Variants in STK24 observed in about 807,000 individuals in gnomAD.
STK24 encodes serine/threonine-protein kinase 24.
In STK24, 21 loss-of-function variants were observed where a neutral mutation model predicts 55.6. The ratio of observed to expected loss-of-function variants is 0.38; its 90% CI spans 0.27 to 0.54. The LOEUF (loss-of-function observed/expected upper bound fraction) is 0.54, where lower values mean the gene tolerates loss of function less well. Ranked by LOEUF, STK24 falls within the 20% of genes least tolerant of loss-of-function variation. The pLI is 0.79. For synonymous variants in STK24, 200 were observed against 215.2 expected, an observed-to-expected ratio of 0.93 and a Z score of 0.62; for missense variants, 383 against 538.4, an observed-to-expected ratio of 0.71 and a Z score of 2.86.
chr13:98,475,885 GA>G (rs28364781), intron 3 of STK24, among the ~76,000 whole-genome samples: 30,374 of 152,238 alleles, frequency 0.2, 3,814 homozygotes, highest in Non-Finnish European at 0.28. Flanking sequence ...AAACACCCAG[GA>G]AAGAAGGCCT....
In STK24 at chr13:98,461,861, A is replaced by G; in HGVS notation, c.966T>C (p.Ser322=). 1 of 1,614,130 alleles carries G rather than the reference A, an allele frequency of 6.2e-7. No individual in the cohort carries two copies. Among genetic ancestry groups the G allele is most frequent in the East Asian group, 2.2e-5 (1 of 44,890 alleles). ...CTCGGATTGTGAAGATCCAGTCCCC[A>G]GAATCACTGCCCCCCGAGGCTTGGC... ...TDGQASGGSD[S]GDWIFTIREK... The change falls in exon 8 of 11, where the codon TCT becomes TCC. Residue 322 remains serine (S), a synonymous_variant. Coordinates refer to ENST00000539966, the MANE Select transcript of STK24 (RefSeq NM_001032296.4).
At chr13:98,526,260 G>C (rs1267054653) in intron 1 of STK24, among the ~76,000 whole-genome samples, 1 of 152,170 alleles carries the variant, frequency 6.6e-6, no homozygotes, top group Admixed American at 6.5e-5. Flanking sequence ...ATGCAAAATT[G>C]TTGTCTCAGT....
At position 98,446,538 on chromosome 13, in the gene STK24, C is replaced by T. The variant is rs1027573483; in HGVS notation, c.*6635G>A. 2.5e-5 allele frequency: 24 copies of T among 960,030 alleles called. No homozygotes were observed. In the African/African-American group the frequency reaches 3.7e-4, roughly 15 times the overall value. 59.5% of individuals were successfully genotyped at this position (960,030 alleles called of 1,614,324 possible). On this transcript the variant is annotated 3_prime_UTR_variant, in exon 11 of 11. Transcript: ENST00000539966. ...AGGCAAACACTGGCTGCCATGGTCC[C>T]TTCCAGGCCCACGCCCGAGGAGGGA... is the stretch of plus-strand genomic sequence containing the variant.
chr13:98,535,932 T>C (rs1418717693), intron 1 of STK24, among the ~76,000 whole-genome samples: 1 of 152,208 alleles, frequency 6.6e-6, no homozygotes, highest in East Asian at 1.9e-4. Flanking sequence ...TTACAAGAAC[T>C]GATGGAAGCA....
chr13:98,461,666 G>A, intron 8 of STK24, 108 bp downstream of exon 8: 1 of 1,484,590 alleles, frequency 6.7e-7, no homozygotes. Flanking sequence ...TTCCAGGACA[G>A]CTGCCACAAA....
At position 98,453,142 on chromosome 13, in the gene STK24, GA is replaced by G. The variant is rs1330780610; in HGVS notation, c.*30del. 3 of 1,612,982 alleles carry G rather than the reference GA, an allele frequency of 1.9e-6. No individual in the cohort carries two copies. Among genetic ancestry groups the G allele is most frequent in the Non-Finnish European group, 2.5e-6 (3 of 1,179,426 alleles). ...GGAGGAGGATGAAGAAGGAAAAAAG[GA>G]AAAACAAAACCCCAAATGCCAAAGG... On this transcript the variant is annotated 3_prime_UTR_variant, in exon 11 of 11. Transcript: ENST00000539966.
At chr13:98,516,954 T>G (rs933994879) in intron 2 of STK24, among the ~76,000 whole-genome samples, 1 of 152,216 alleles carries the variant, frequency 6.6e-6, no homozygotes, top group Non-Finnish European at 1.5e-5. Context: ...AGGACCTGTT[T>G]GGATGGAATC....
chr13:98,448,020 C>G lies in STK24; in HGVS notation c.*5153G>C. ...CGGGCAGTGTCACTGCAGCAAGGTA[C>G]TTCCAGCTCCACACTGAGTGAGTGC... is the stretch of plus-strand genomic sequence containing the variant. On this transcript the variant is annotated 3_prime_UTR_variant, in exon 11 of 11. Coordinates refer to ENST00000539966, the MANE Select transcript of STK24 (RefSeq NM_001032296.4). 1.7e-6 allele frequency: 1 copy of G among 584,510 alleles called. No homozygotes were observed. 36.2% of individuals were successfully genotyped at this position (584,510 alleles called of 1,614,324 possible).
chr13:98,532,904 C>T lies in STK24; in HGVS notation c.43-13431G>A, dbSNP rs148641478. Among the ~76,000 whole-genome samples, 24 of 152,300 alleles carry T rather than the reference C, an allele frequency of 1.6e-4. No individual in the cohort carries two copies. The East Asian group carries it at 3.7e-3, about 23-fold the overall frequency. On this transcript the variant is annotated intron_variant, in intron 1 of 10. Coordinates refer to ENST00000539966, the MANE Select transcript of STK24 (RefSeq NM_001032296.4). ...GAGCTGTATTAATGCGTTACAAATGCCCCCACCATCTGGTTTAGTAAACTC... is the reference window on the plus strand; with the variant it reads ...GAGCTGTATTAATGCGTTACAAATGTCCCCACCATCTGGTTTAGTAAACTC...
At chr13:98,491,210 G>C (rs576696181) in intron 2 of STK24, among the ~76,000 whole-genome samples, 1 of 152,194 alleles carries the variant, frequency 6.6e-6, no homozygotes, top group African/African-American at 2.4e-5. Context: ...ATCTCCCTGC[G>C]AGCAATGCCT....
At chr13:98,571,740 A>C (rs1262122220) in intron 1 of STK24, among the ~76,000 whole-genome samples, 2 of 152,194 alleles carry the variant, frequency 1.3e-5, no homozygotes, top group Non-Finnish European at 2.9e-5. Context: ...AAAGGATCAT[A>C]AAGCAAGAGG....
Position 98,446,354 on chromosome 13 carries a change from C to A in STK24, c.*6819G>T. 1 of 617,262 alleles carries A rather than the reference C, an allele frequency of 1.6e-6. No homozygotes were observed. The highest frequency in any genetic ancestry group is 2.9e-6 in the Non-Finnish European group (1 of 346,506). 38.2% of individuals were successfully genotyped at this position (617,262 alleles called of 1,614,324 possible). A position where few individuals can be genotyped will look rare whatever the true frequency, so the allele number is the denominator to read the frequency against. On this transcript the variant is annotated 3_prime_UTR_variant, in exon 11 of 11. Coordinates refer to ENST00000539966, the MANE Select transcript of STK24 (RefSeq NM_001032296.4). Reference sequence around the variant, plus strand: ...GATGCTGGCGGGGGGCCCTGTCCACCCGAGGCCCTCAACTCTAGGGAAGAC... The same window carrying A: ...GATGCTGGCGGGGGGCCCTGTCCACACGAGGCCCTCAACTCTAGGGAAGAC...
At chr13:98,559,619 C>T (rs151299865) in intron 1 of STK24, among the ~76,000 whole-genome samples, 1 of 152,154 alleles carries the variant, frequency 6.6e-6, no homozygotes, top group Non-Finnish European at 1.5e-5. Context: ...ACTTACGTAC[C>T]ATTTTTCGTA....
intron 9 of STK24, among the ~76,000 whole-genome samples, chr13:98,458,913 T>C (rs894506933): frequency 6.6e-6 from 1 of 152,222 alleles, no homozygotes; most frequent in African/African-American, 2.4e-5. Flanking sequence ...ATAAACACTC[T>C]GAACTCTAGG....
intron 9 of STK24, 101 bp from the exon 10 acceptor site, chr13:98,457,405 A>C (rs1594569300): frequency 6.5e-7 from 1 of 1,546,346 alleles, no homozygotes; most frequent in South Asian, 1.1e-5. Context: ...CCACGACACT[A>C]CCCCAGCCCC....
rs756849820 is a variant in STK24, at chr13:98,466,340, C to T, written c.783+36G>A. 7 of 1,601,352 alleles carry T rather than the reference C, an allele frequency of 4.4e-6. No homozygotes were observed. In the South Asian group the frequency reaches 7.8e-5, roughly 18 times the overall value. ...TGTATCTCAACCAAGTCAAGCCGCACATGAAGAGGTACGCTGTGATCCCTG... is the reference window on the plus strand; with the variant it reads ...TGTATCTCAACCAAGTCAAGCCGCATATGAAGAGGTACGCTGTGATCCCTG... On this transcript the variant is annotated intron_variant, in intron 6 of 10. Transcript: ENST00000539966.
At chr13:98,455,591 A>T (rs763077355) in intron 10 of STK24, 1 of 152,298 alleles carries the variant, frequency 6.6e-6, no homozygotes, top group East Asian at 1.9e-4. Context: ...ACTGGCCAGC[A>T]CTGGTACAGA....
At chr13:98,545,848 T>C (rs976760936) in intron 1 of STK24, among the ~76,000 whole-genome samples, 1 of 152,122 alleles carries the variant, frequency 6.6e-6, no homozygotes, top group African/African-American at 2.4e-5. Flanking sequence ...GCATGACTTT[T>C]AAACAATTCT....
chr13:98,540,805 T>C (rs1314083949), intron 1 of STK24, among the ~76,000 whole-genome samples: 1 of 140,592 alleles, frequency 7.1e-6, no homozygotes, highest in Non-Finnish European at 1.5e-5. Flanking sequence ...TATACAAAGC[T>C]GGAATATAAC....
Sources: gnomAD v4.1 joint callset for allele counts (sites outside exome capture counted in the v4.1 genomes callset) on GRCh38, gnomAD v4.1.1 for gene constraint, MANE v1.5 for transcripts, NCBI Gene and HGNC (gene_info 2026-07-23, HGNC 2026-07-21) for gene names.